C19orf12: variants seen among roughly 807,000 people sequenced by gnomAD.
C19orf12 encodes the protein protein C19orf12.
A neutral mutation model predicts 3.8 loss-of-function variants in C19orf12; 2 were observed. The ratio of observed to expected loss-of-function variants is 0.53; its 90% CI spans 0.22 to 1.66. The LOEUF (loss-of-function observed/expected upper bound fraction) is 1.66, where lower values mean the gene tolerates loss of function less well. Ranked by LOEUF, C19orf12 falls within the 40% of genes most tolerant of loss-of-function variation. The pLI is 0.20. For missense variants in C19orf12, 156 were observed against 188.8 expected, an observed-to-expected ratio of 0.83 and a Z score of 1.02; for synonymous variants, 89 against 84.6, an observed-to-expected ratio of 1.05 and a Z score of -0.28.
intron 1 of C19orf12, among the ~76,000 whole-genome samples, chr19:29,714,152 A>G (rs569316121): frequency 6.6e-6 from 1 of 152,082 alleles, no homozygotes; most frequent in African/African-American, 2.4e-5. Flanking sequence ...CCTCCCGAGT[A>G]GCTGGAACTA....
chr19:29,700,264 G>A lies in C19orf12; in HGVS notation c.*2448C>T, dbSNP rs528758755. 2.0e-4 allele frequency: 93 copies of A among 454,030 alleles called. No homozygotes were observed. The highest frequency in any genetic ancestry group is 1.7e-3 in the African/African-American group (86 of 50,106). The allele number at this position is 454,030 out of a possible 1,614,324, so 28.1% of individuals were successfully genotyped here. A position where few individuals can be genotyped will look rare whatever the true frequency, so the allele number is the denominator to read the frequency against. ...ACAAAGGCAACTCAATTTCAGCCCC[G>A]ATTGTTCCAGAAGGATTTGCTGTAA... On this transcript the variant is annotated 3_prime_UTR_variant, in exon 3 of 3. Coordinates refer to ENST00000323670, the MANE Select transcript of C19orf12 (RefSeq NM_031448.6).
upstream of C19orf12, chr19:29,715,317 G>C (rs929814469): frequency 5.1e-6 from 2 of 391,200 alleles, no homozygotes; most frequent in Middle Eastern, 7.6e-4. Context: ...GAAGCCACGC[G>C]CCGGGCCAGC....
intron 1 of C19orf12, among the ~76,000 whole-genome samples, chr19:29,710,539 C>T (rs576328519): frequency 2.1e-4 from 32 of 152,312 alleles, no homozygotes; most frequent in Admixed American, 1.6e-3. Flanking sequence ...GAGGGCATAA[C>T]GCAGGACTCT....
In C19orf12 at chr19:29,702,058, A is replaced by T. The variant is rs966847657; in HGVS notation, c.*654T>A. ...ACCTCAAGAACTACCAGGACTTTTC[A>T]GATGGGAAGAGCGAGGCCCTGGCAG... is the stretch of plus-strand genomic sequence containing the variant. On this transcript the variant is annotated 3_prime_UTR_variant, in exon 3 of 3. Coordinates refer to ENST00000323670, the MANE Select transcript of C19orf12 (RefSeq NM_031448.6). 1.8e-5 allele frequency: 8 copies of T among 450,930 alleles called. No homozygotes were observed. Among genetic ancestry groups the T allele is most frequent in the Admixed American group, 1.4e-4 (6 of 42,420 alleles). The allele number at this position is 450,930 out of a possible 1,614,324, so 27.9% of individuals were successfully genotyped here. A position where few individuals can be genotyped will look rare whatever the true frequency, so the allele number is the denominator to read the frequency against.
chr19:29,702,719 T>C lies in C19orf12; in HGVS notation c.419A>G (p.Asp140Gly). The change falls in exon 3 of 3, where the codon GAT becomes GGT. Residue 140 changes from aspartate (D) to glycine (G), a missense_variant. Coordinates refer to ENST00000323670, the MANE Select transcript of C19orf12 (RefSeq NM_031448.6). ...TKELRAEIQY[D>G]D Reference sequence around the variant, plus strand: ...CCTCCCCGGAGGTGCGGCCTAGTCATCATACTGGATCTCGGCCCGCAGCTC... The same window carrying C: ...CCTCCCCGGAGGTGCGGCCTAGTCACCATACTGGATCTCGGCCCGCAGCTC... 6.2e-7 allele frequency: 1 copy of C among 1,613,640 alleles called. No individual in the cohort carries two copies. The highest frequency in any genetic ancestry group is 8.5e-7 in the Non-Finnish European group (1 of 1,179,996).
chr19:29,700,599 C>A lies in C19orf12; in HGVS notation c.*2113G>T, dbSNP rs1349549280. The A allele has an allele frequency of 4.4e-6, 2 of 454,222 alleles. No individual in the cohort carries two copies. The highest frequency in any genetic ancestry group is 2.3e-5 in the Admixed American group (1 of 42,574). The allele number at this position is 454,222 out of a possible 1,614,324, so 28.1% of individuals were successfully genotyped here. A position where few individuals can be genotyped will look rare whatever the true frequency, so the allele number is the denominator to read the frequency against. On this transcript the variant is annotated 3_prime_UTR_variant, in exon 3 of 3. Coordinates refer to ENST00000323670, the MANE Select transcript of C19orf12 (RefSeq NM_031448.6). The stretch of plus-strand genomic sequence containing the variant: ...ACAGACAGACAACCCCTCCTTCCCA[C>A]CCCTGCCCTGTCCCCCATCAACTTA...
At position 29,701,497 on chromosome 19, in the gene C19orf12, C is replaced by T. The variant is rs747301001; in HGVS notation, c.*1215G>A. The T allele has an allele frequency of 2.2e-6, 1 of 454,050 alleles. No individual in the cohort carries two copies. Among genetic ancestry groups the T allele is most frequent in the South Asian group, 1.6e-5 (1 of 64,480 alleles). 28.1% of individuals were successfully genotyped at this position (454,050 alleles called of 1,614,324 possible). On this transcript the variant is annotated 3_prime_UTR_variant, in exon 3 of 3. Transcript: ENST00000323670. ...AAAAAGGTCTGTACGTGTTCAGTAC[C>T]AATGCAATTTCTTTTTTCAAATATT...
intron 1 of C19orf12, among the ~76,000 whole-genome samples, chr19:29,712,513 C>T (rs1162369242): frequency 6.6e-6 from 1 of 152,172 alleles, no homozygotes; most frequent in African/African-American, 2.4e-5. Flanking sequence ...TCCCCCCCAC[C>T]ACCCAACCTT....
At position 29,710,747 on chromosome 19, in the gene C19orf12, C is replaced by T. The variant is rs562141363; in HGVS notation, c.-10-2324G>A. Among the ~76,000 whole-genome samples, 3 of 152,326 alleles carry T rather than the reference C, an allele frequency of 2.0e-5. No homozygotes were observed. In the East Asian group the frequency reaches 5.8e-4, roughly 29 times the overall value. On this transcript the variant is annotated intron_variant, in intron 1 of 2. Transcript: ENST00000323670. ...TGCCCTGGGTCTCCCAAAACCTGGT[C>T]TCCTGCTTTCCAGGCCCTGCCCAGC...
intron 2 of C19orf12, among the ~76,000 whole-genome samples, chr19:29,704,669 C>T (rs564385157): frequency 6.6e-6 from 1 of 152,236 alleles, no homozygotes; most frequent in South Asian, 2.1e-4. Context: ...GGAAGGTGCC[C>T]TAGGGAAGGG....
chr19:29,711,590 C>T (rs1396209252), intron 1 of C19orf12, among the ~76,000 whole-genome samples: 1 of 152,238 alleles, frequency 6.6e-6, no homozygotes, highest in Admixed American at 6.5e-5. Context: ...TGAGCCCTGC[C>T]ATGCTTGGTC....
Position 29,699,846 on chromosome 19 carries a change from A to G in C19orf12, c.*2866T>C, listed in dbSNP as rs1190748800. ...TATTCAAAAATAAATAAATTTCTACAAAGAAGATACAGATATATAAATACT... is the reference window on the plus strand; with the variant it reads ...TATTCAAAAATAAATAAATTTCTACGAAGAAGATACAGATATATAAATACT... On this transcript the variant is annotated 3_prime_UTR_variant, in exon 3 of 3. Coordinates refer to ENST00000323670, the MANE Select transcript of C19orf12 (RefSeq NM_031448.6). 3 of 450,684 alleles carry G rather than the reference A, an allele frequency of 6.7e-6. No individual in the cohort carries two copies. The highest frequency in any genetic ancestry group is 6.0e-5 in the African/African-American group (3 of 49,662). The allele number at this position is 450,684 out of a possible 1,614,324, so 27.9% of individuals were successfully genotyped here.
chr19:29,701,203 C>T lies in C19orf12; in HGVS notation c.*1509G>A, dbSNP rs1027618690. 1.1e-5 allele frequency: 5 copies of T among 453,962 alleles called. No individual in the cohort carries two copies. The highest frequency in any genetic ancestry group is 1.0e-4 in the African/African-American group (5 of 49,998). 28.1% of individuals were successfully genotyped at this position (453,962 alleles called of 1,614,324 possible). ...TTATTGTAATCGATCACATTCAAGTCGTAGTTCTGAAAGCAAAGTGAAAAC... is the reference window on the plus strand; with the variant it reads ...TTATTGTAATCGATCACATTCAAGTTGTAGTTCTGAAAGCAAAGTGAAAAC... On this transcript the variant is annotated 3_prime_UTR_variant, in exon 3 of 3. Coordinates refer to ENST00000323670, the MANE Select transcript of C19orf12 (RefSeq NM_031448.6).
chr19:29,700,516 T>G lies in C19orf12; in HGVS notation c.*2196A>C. The G allele has an allele frequency of 2.2e-6, 1 of 454,164 alleles. No homozygotes were observed. The highest frequency in any genetic ancestry group is 1.6e-5 in the South Asian group (1 of 64,480). 28.1% of individuals were successfully genotyped at this position (454,164 alleles called of 1,614,324 possible). On this transcript the variant is annotated 3_prime_UTR_variant, in exon 3 of 3. Coordinates refer to ENST00000323670, the MANE Select transcript of C19orf12 (RefSeq NM_031448.6). ...TAGTTCCAGGGTCCGTATGCAGGAC[T>G]TATTTGCAGGAAGAGCAGGAATGAT...
intron 2 of C19orf12, among the ~76,000 whole-genome samples, chr19:29,703,786 T>A (rs1599536563): frequency 6.6e-6 from 1 of 151,484 alleles, no homozygotes; most frequent in Admixed American, 6.6e-5. Flanking sequence ...AGGTCAGGAG[T>A]TCGACACCAG....
At position 29,701,807 on chromosome 19, in the gene C19orf12, A is replaced by C. The variant is rs1284164625; in HGVS notation, c.*905T>G. On this transcript the variant is annotated 3_prime_UTR_variant, in exon 3 of 3. Coordinates refer to ENST00000323670, the MANE Select transcript of C19orf12 (RefSeq NM_031448.6). ...TTCTGTGTCAGCATTTTGAACAGTA[A>C]ATATTTTTAAATTAAGGTTTGTACA... 1 of 452,408 alleles carries C rather than the reference A, an allele frequency of 2.2e-6. No individual in the cohort carries two copies. The highest frequency in any genetic ancestry group is 4.4e-6 in the Non-Finnish European group (1 of 225,580). The allele number at this position is 452,408 out of a possible 1,614,324, so 28.0% of individuals were successfully genotyped here. A position where few individuals can be genotyped will look rare whatever the true frequency, so the allele number is the denominator to read the frequency against.
rs750680989 is a variant in C19orf12, at chr19:29,715,002, G to A, written c.-11+123C>T. On this transcript the variant is annotated intron_variant, in intron 1 of 2. Transcript: ENST00000323670. ...CCGGCACCGGGAGGGCCGGGCTCCC[G>A]GCAGGGCGGGGACCCTCTCCCCAAG... 4.4e-5 allele frequency: 31 copies of A among 710,814 alleles called. No individual in the cohort carries two copies. In the East Asian group the frequency reaches 8.4e-4, roughly 19 times the overall value. 44.0% of individuals were successfully genotyped at this position (710,814 alleles called of 1,614,324 possible). A position where few individuals can be genotyped will look rare whatever the true frequency, so the allele number is the denominator to read the frequency against.
At position 29,707,922 on chromosome 19, in the gene C19orf12, A is replaced by G. The variant is rs1055618723; in HGVS notation, c.160+332T>C. 2.1e-5 allele frequency among the ~76,000 whole-genome samples: 3 copies of G among 144,160 alleles called. No homozygotes were observed. The East Asian group carries it at 6.1e-4, about 29-fold the overall frequency. The allele number at this position is 144,160 out of a possible 152,430, so 94.6% of individuals were successfully genotyped here. A position where few individuals can be genotyped will look rare whatever the true frequency, so the allele number is the denominator to read the frequency against. ...AGTCTCGTTCTGTCACCCAGGCTGG[A>G]GTACAATGGCATGATCTTGGCTCAC... is the stretch of plus-strand genomic sequence containing the variant. On this transcript the variant is annotated intron_variant, in intron 2 of 2. Coordinates refer to ENST00000323670, the MANE Select transcript of C19orf12 (RefSeq NM_031448.6).
At chr19:29,714,053 G>A (rs748873677) in intron 1 of C19orf12, among the ~76,000 whole-genome samples, 1 of 150,314 alleles carries the variant, frequency 6.7e-6, no homozygotes, top group Non-Finnish European at 1.5e-5. Context: ...TGTTGTTGCT[G>A]GTGTTGTTGT....
Sources: gnomAD v4.1 joint callset for allele counts (sites outside exome capture counted in the v4.1 genomes callset) on GRCh38, gnomAD v4.1.1 for gene constraint, MANE v1.5 for transcripts, NCBI Gene and HGNC (gene_info 2026-07-23, HGNC 2026-07-21) for gene names.